The following KDM6A variants were observed in gnomAD, a reference collection of about 807,000 sequenced individuals.
The protein encoded by KDM6A is lysine demethylase 6A, also known as lysine-specific demethylase 6A.
A neutral mutation model predicts 117.6 loss-of-function variants in KDM6A; 11 were observed. The observed-to-expected ratio is 0.09, with a 90% CI of 0.06 to 0.15. The LOEUF is 0.15. KDM6A is among the 10% of genes least tolerant of loss of function. The pLI, the probability that KDM6A is intolerant of heterozygous loss-of-function variation, is 1.00. For missense variants in KDM6A, 799 were observed against 1,077.3 expected, an observed-to-expected ratio of 0.74 and a Z score of 3.62; for synonymous variants, 384 against 396.1, an observed-to-expected ratio of 0.97 and a Z score of 0.36.
intron 6 of KDM6A, among the ~76,000 whole-genome samples, chrX:45,032,632 G>A (rs986292469): frequency 9.0e-6 from 1 of 111,440 alleles, no homozygotes; most frequent in African/African-American, 3.3e-5. Flanking sequence ...TGTATTTTTA[G>A]TAGAGATGGG....
intron 4 of KDM6A, among the ~76,000 whole-genome samples, chrX:44,985,729 T>C (rs1416503080): frequency 8.9e-6 from 1 of 112,205 alleles, no homozygotes; most frequent in Non-Finnish European, 1.9e-5. Context: ...TTGCGTATGT[T>C]GAACCAGCCT....
intron 3 of KDM6A, among the ~76,000 whole-genome samples, chrX:44,969,411 C>CTTTTTT (rs11288771): frequency 2.5e-4 from 9 of 35,973 alleles, no homozygotes; most frequent in Admixed American, 4.2e-4. Context: ...CTCTTTTTAT[C>CTTTTTT]TTTTTTTTTT....
chrX:44,884,830 A>G (rs1449162589), intron 2 of KDM6A, among the ~76,000 whole-genome samples: 2 of 111,698 alleles, frequency 1.8e-5, no homozygotes, highest in East Asian at 5.6e-4. Flanking sequence ...CCCTGTTCCC[A>G]ATTTACATAC....
intron 25 of KDM6A, among the ~76,000 whole-genome samples, chrX:45,087,249 A>G (rs2045682885): frequency 8.8e-6 from 1 of 113,149 alleles, no homozygotes; most frequent in Admixed American, 9.3e-5. Context: ...TTGGCTTCCC[A>G]AAGTGCTGGG....
intron 8 of KDM6A, among the ~76,000 whole-genome samples, chrX:45,040,133 C>CG (rs1253743008): frequency 1.5e-3 from 88 of 58,033 alleles, no homozygotes; most frequent in African/African-American, 5.5e-3. Context: ...GCTGGCCGGG[C>CG]GGGGGGCTGA....
At chrX:45,041,236 C>G (rs2043168563) in intron 8 of KDM6A, among the ~76,000 whole-genome samples, 1 of 83,514 alleles carries the variant, frequency 1.2e-5, no homozygotes, top group East Asian at 4.1e-4. Context: ...TCCTCACTTC[C>G]CAGTAGGGGC....
At chrX:45,095,832 C>T (rs920376953) in intron 27 of KDM6A, among the ~76,000 whole-genome samples, 1 of 112,343 alleles carries the variant, frequency 8.9e-6, no homozygotes, top group African/African-American at 3.2e-5. Flanking sequence ...CACTAATGTA[C>T]ACTTTCTTCA....
chrX:44,967,078 G>A (rs183898835), intron 3 of KDM6A, among the ~76,000 whole-genome samples: 1 of 110,897 alleles, frequency 9.0e-6, no homozygotes, highest in East Asian at 2.8e-4. Context: ...CACTGTGTTA[G>A]CCAGGATGGT....
intron 2 of KDM6A, among the ~76,000 whole-genome samples, chrX:44,883,434 G>A (rs1233452359): frequency 9.1e-6 from 1 of 110,081 alleles, no homozygotes; most frequent in Non-Finnish European, 1.9e-5. Flanking sequence ...GTGCAGTGGT[G>A]TGATCTTGGC....
At chrX:44,928,450 G>A (rs1463913465) in intron 2 of KDM6A, among the ~76,000 whole-genome samples, 4 of 111,639 alleles carry the variant, frequency 3.6e-5, no homozygotes. Context: ...TCCGACGATG[G>A]GGGTTTAATG....
chrX:45,094,340 CTG>C (rs1176418415), intron 27 of KDM6A, among the ~76,000 whole-genome samples: 3 of 111,623 alleles, frequency 2.7e-5, no homozygotes, highest in African/African-American at 9.8e-5. Flanking sequence ...TTTTAAAAAA[CTG>C]TGCATTCTGG....
chrX:45,026,475 C>T (rs985358571), intron 6 of KDM6A, among the ~76,000 whole-genome samples: 27 of 111,241 alleles, frequency 2.4e-4, no homozygotes, highest in African/African-American at 8.2e-4. Flanking sequence ...ATCTGAAATG[C>T]CTCCTGTCTT....
chrX:44,926,770 T>A (rs377121408), intron 2 of KDM6A, among the ~76,000 whole-genome samples: 1 of 111,800 alleles, frequency 8.9e-6, no homozygotes, highest in African/African-American at 3.3e-5. Flanking sequence ...TATTCATTTG[T>A]TCTCCTACCA....
chrX:44,878,999 G>C (rs973857575), intron 2 of KDM6A, among the ~76,000 whole-genome samples: 1 of 111,468 alleles, frequency 9.0e-6, no homozygotes, highest in Non-Finnish European at 1.9e-5. Context: ...TGGCTTTGCA[G>C]GTGTGAGCCG....
intron 5 of KDM6A, among the ~76,000 whole-genome samples, chrX:45,020,302 A>G (rs1158237433): frequency 9.0e-6 from 1 of 111,653 alleles, no homozygotes; most frequent in East Asian, 2.8e-4. Context: ...TTCAGAAACA[A>G]TGAAATCAGT....
intron 2 of KDM6A, among the ~76,000 whole-genome samples, chrX:44,896,781 A>C (rs5952653): frequency 0.22 from 24,079 of 109,639 alleles, 4,338 homozygotes; most frequent in African/African-American, 0.61. Context: ...TATTTTCTTT[A>C]AGTACTTGAC....
chrX:44,982,093 T>C (rs2039941365), intron 4 of KDM6A, among the ~76,000 whole-genome samples: 2 of 111,324 alleles, frequency 1.8e-5, no homozygotes, highest in South Asian at 3.7e-4. Flanking sequence ...AACCGACCTT[T>C]TTCTTATTTT....
intron 7 of KDM6A, among the ~76,000 whole-genome samples, chrX:45,037,084 A>G (rs748956950): frequency 8.9e-5 from 10 of 112,699 alleles, no homozygotes; most frequent in African/African-American, 1.6e-4. Flanking sequence ...CTTGATAGCT[A>G]TAATAATGCC....
chrX:44,975,046 A>G (rs908274270), intron 4 of KDM6A, among the ~76,000 whole-genome samples: 2 of 111,857 alleles, frequency 1.8e-5, no homozygotes, highest in African/African-American at 6.5e-5. Flanking sequence ...ACCTGGGAGT[A>G]AAAGAAGGCT....
Sources: allele counts gnomAD v4.1 joint callset (sites outside exome capture counted in the v4.1 genomes callset), GRCh38; gene constraint gnomAD v4.1.1; transcripts MANE v1.5; gene names NCBI Gene and HGNC (gene_info 2026-07-23, HGNC 2026-07-21).